KALRN: variants seen among roughly 807,000 people sequenced by gnomAD.
KALRN encodes the protein kalirin.
A neutral mutation model predicts 353.7 loss-of-function variants in KALRN; 70 were observed. The ratio of observed to expected loss-of-function variants is 0.20; its 90% CI spans 0.16 to 0.24. KALRN has a LOEUF of 0.24. Ranked by LOEUF, KALRN falls within the 10% of genes least tolerant of loss-of-function variation. The pLI, the probability that KALRN is intolerant of heterozygous loss-of-function variation, is 1.00. For synonymous variants in KALRN, 1,391 were observed against 1,434.8 expected, an observed-to-expected ratio of 0.97 and a Z score of 0.69; for missense variants, 2,791 against 3,756.7, an observed-to-expected ratio of 0.74 and a Z score of 6.72.
intron 10 of KALRN, among the ~76,000 whole-genome samples, chr3:124,368,474 C>T (rs1683459417): frequency 6.6e-6 from 1 of 150,578 alleles, no homozygotes; most frequent in African/African-American, 2.4e-5. Flanking sequence ...GGCGGCCGGG[C>T]AGAGACGCTC....
At chr3:124,561,541 C>G (rs2072011411) in intron 33 of KALRN, among the ~76,000 whole-genome samples, 1 of 152,204 alleles carries the variant, frequency 6.6e-6, no homozygotes, top group Non-Finnish European at 1.5e-5. Flanking sequence ...TAATTATCTA[C>G]TCACTGTGGC....
At chr3:124,052,662 A>G (rs1201931865) in intron 1 of KALRN, among the ~76,000 whole-genome samples, 7 of 151,906 alleles carry the variant, frequency 4.6e-5, no homozygotes, top group Non-Finnish European at 1.0e-4. Context: ...TTTCTTCCAC[A>G]TTTTCTAGAG....
intron 6 of KALRN, among the ~76,000 whole-genome samples, chr3:124,302,449 T>G (rs546650088): frequency 6.6e-5 from 10 of 152,334 alleles, no homozygotes; most frequent in Non-Finnish European, 1.5e-4. Context: ...TGATAGAAAT[T>G]AATGGCCTGT....
intron 4 of KALRN, among the ~76,000 whole-genome samples, chr3:124,265,954 A>G (rs766433336): frequency 5.2e-4 from 79 of 152,196 alleles, no homozygotes; most frequent in Middle Eastern, 3.4e-3. Flanking sequence ...TGTCTCTACT[A>G]AAAATACAAA....
intron 3 of KALRN, among the ~76,000 whole-genome samples, chr3:124,246,312 T>C (rs1331623673): frequency 1.3e-5 from 2 of 152,248 alleles, no homozygotes; most frequent in Non-Finnish European, 2.9e-5. Context: ...ATCCTGACTT[T>C]GGAAAGACTA....
At chr3:124,176,029 C>A (rs1048356508) in intron 1 of KALRN, among the ~76,000 whole-genome samples, 1 of 152,098 alleles carries the variant, frequency 6.6e-6, no homozygotes, top group Non-Finnish European at 1.5e-5. Flanking sequence ...CAGTAGCCCC[C>A]CTTTATAACC....
intron 10 of KALRN, among the ~76,000 whole-genome samples, chr3:124,380,649 C>CA (rs2087226353): frequency 6.6e-6 from 1 of 152,226 alleles, no homozygotes; most frequent in Non-Finnish European, 1.5e-5. Context: ...AGAGCAAGGT[C>CA]AGACTCTGGC....
chr3:124,458,518 A>G (rs1482289051), intron 23 of KALRN, among the ~76,000 whole-genome samples: 4 of 152,140 alleles, frequency 2.6e-5, no homozygotes, highest in Admixed American at 2.6e-4. Context: ...TATTCAGCCA[A>G]TTCTTAAGCA....
chr3:124,346,955 C>T (rs759899839), intron 9 of KALRN, among the ~76,000 whole-genome samples, 188 bp from the exon 10 acceptor site: 4 of 152,148 alleles, frequency 2.6e-5, no homozygotes, highest in Non-Finnish European at 4.4e-5. Context: ...AAAGGTGGGA[C>T]TATGATATTG....
At chr3:124,637,038 G>A in intron 36 of KALRN, 170 bp from the exon 37 acceptor site, 3 of 625,988 alleles carry the variant, frequency 4.8e-6, no homozygotes, top group Non-Finnish European at 8.7e-6. Context: ...GGTTGGGCAG[G>A]CCTGTATGTA....
At chr3:124,151,229 A>G (rs1165648041) in intron 1 of KALRN, among the ~76,000 whole-genome samples, 1 of 152,180 alleles carries the variant, frequency 6.6e-6, no homozygotes, top group African/African-American at 2.4e-5. Context: ...ATGGGGTATG[A>G]GTATGTTTAG....
chr3:124,157,863 C>A (rs887653960), intron 1 of KALRN, among the ~76,000 whole-genome samples: 1 of 152,248 alleles, frequency 6.6e-6, no homozygotes, highest in East Asian at 1.9e-4. Flanking sequence ...TGCCCCTTTC[C>A]CCTGCGAATG....
Position 124,632,526 on chromosome 3 carries a change from G to A in KALRN, c.5289G>A (p.Lys1763=). ...LNSIHSSPGP[K]RSTNTLKKWL... Reference sequence around the variant, plus strand: ...CCATCCACAGTTCCCCGGGTCCCAAGCGCTCCACCAACACTCTTAAGAAGT... The same window carrying A: ...CCATCCACAGTTCCCCGGGTCCCAAACGCTCCACCAACACTCTTAAGAAGT... Residue 1763 remains lysine, a synonymous_variant, in exon 35 of 60, where the codon AAG becomes AAA. Coordinates refer to ENST00000682506, the MANE Select transcript of KALRN (RefSeq NM_001388419.1). 1 of 1,614,194 alleles carries A rather than the reference G, an allele frequency of 6.2e-7. No individual in the cohort carries two copies. The highest frequency in any genetic ancestry group is 8.5e-7 in the Non-Finnish European group (1 of 1,180,032).
At chr3:124,651,454 T>C (rs1337107732) in intron 38 of KALRN, among the ~76,000 whole-genome samples, 1 of 152,214 alleles carries the variant, frequency 6.6e-6, no homozygotes, top group Non-Finnish European at 1.5e-5. Context: ...GAGAACTTCT[T>C]CTCCACTTTG....
chr3:124,573,556 C>T (rs1561317726), intron 34 of KALRN, among the ~76,000 whole-genome samples: 1 of 152,128 alleles, frequency 6.6e-6, no homozygotes, highest in Non-Finnish European at 1.5e-5. Flanking sequence ...GGCTGGAGTT[C>T]AGTGGCATGA....
chr3:124,415,386 C>A (rs903002965), intron 14 of KALRN, among the ~76,000 whole-genome samples: 1 of 152,208 alleles, frequency 6.6e-6, no homozygotes, highest in Non-Finnish European at 1.5e-5. Context: ...TCTGGAATGA[C>A]CTAGGACAGT....
intron 11 of KALRN, among the ~76,000 whole-genome samples, chr3:124,393,258 G>A (rs11710228): frequency 0.32 from 48,118 of 152,084 alleles, 8,662 homozygotes; most frequent in Middle Eastern, 0.49. Context: ...GAACCACTGT[G>A]CCTGGCCCCT....
intron 57 of KALRN, 43 bp from the exon 58 acceptor site, chr3:124,712,891 GT>G: frequency 7.2e-7 from 1 of 1,393,366 alleles, no homozygotes; most frequent in Non-Finnish European, 1.0e-6. Context: ...AATATATCTA[GT>G]TAATTAATGA....
At chr3:124,159,464 G>A (rs954473132) in intron 1 of KALRN, among the ~76,000 whole-genome samples, 24 of 151,832 alleles carry the variant, frequency 1.6e-4, no homozygotes, top group African/African-American at 5.8e-4. Flanking sequence ...TAGAGATGGG[G>A]TTTTGCCCTG....
Sources: allele counts gnomAD v4.1 joint callset (sites outside exome capture counted in the v4.1 genomes callset), GRCh38; gene constraint gnomAD v4.1.1; transcripts MANE v1.5; gene names NCBI Gene and HGNC (gene_info 2026-07-23, HGNC 2026-07-21).